ZNF461: variants seen among roughly 807,000 people sequenced by gnomAD.
ZNF461 encodes the protein gonadotropin-inducible ovarian transcription factor-1.
In ZNF461, 16 loss-of-function variants were observed where a neutral mutation model predicts 18.3. The observed-to-expected ratio is 0.88, with a 90% CI of 0.59 to 1.33. The LOEUF is 1.33. ZNF461 is among the 40% of genes most tolerant of loss of function. The probability of loss-of-function intolerance (pLI) is 0.00; values close to 1 mark genes in which losing one functional copy is unlikely to be tolerated. For missense variants in ZNF461, 595 were observed against 669.9 expected (o/e 0.89, Z 1.23); for synonymous variants, 179 against 216.9 (o/e 0.83, Z 1.54).
chr19:36,649,623 G>A (rs1226752007), intron 4 of ZNF461, among the ~76,000 whole-genome samples: 1 of 152,020 alleles, frequency 6.6e-6, no homozygotes. Flanking sequence ...GAGCCACTGC[G>A]CCCGGCCTGA....
intron 2 of ZNF461, among the ~76,000 whole-genome samples, chr19:36,663,537 T>C (rs1866247721): frequency 7.5e-6 from 1 of 132,980 alleles, no homozygotes; most frequent in South Asian, 2.5e-4. Context: ...TTTTTTTTTT[T>C]TAGACAGAGT....
Position 36,640,022 on chromosome 19 carries a change from G to T in ZNF461, c.323C>A (p.Pro108His). The change falls in exon 6 of 6, where the codon CCC (proline) becomes CAC (histidine). Residue 108 changes from proline (P) to histidine (H), a missense_variant. Pro to His is a moderately conservative substitution (Grantham distance 77). Coordinates refer to ENST00000588268, the MANE Select transcript of ZNF461 (RefSeq NM_153257.5). Reference protein sequence around the residue: ...INADLASRDEPQKLSPKRDIY... With the variant: ...INADLASRDEHQKLSPKRDIY... ...ATCCCTTTTTGGAGATAACTTCTGGGGCTCATCTCTGGATGCCAAGTCTGA... is the reference window on the plus strand; with the variant it reads ...ATCCCTTTTTGGAGATAACTTCTGGTGCTCATCTCTGGATGCCAAGTCTGA... 1 of 1,608,046 alleles carries T rather than the reference G, an allele frequency of 6.2e-7. No homozygotes were observed. The highest frequency in any genetic ancestry group is 8.5e-7 in the Non-Finnish European group (1 of 1,176,738).
intron 4 of ZNF461, among the ~76,000 whole-genome samples, chr19:36,650,864 T>A (rs1255537292): frequency 5.7e-5 from 8 of 141,348 alleles, no homozygotes; most frequent in Non-Finnish European, 6.1e-5. Context: ...TCATTCATAT[T>A]AAAAAAAAAA....
chr19:36,651,744 G>A (rs1288763358), intron 4 of ZNF461, among the ~76,000 whole-genome samples: 1 of 152,122 alleles, frequency 6.6e-6, no homozygotes, highest in African/African-American at 2.4e-5. Context: ...ATAGAATAAA[G>A]GTGTTCTCTC....
At chr19:36,660,155 T>TC in intron 2 of ZNF461, among the ~76,000 whole-genome samples, 1 of 150,042 alleles carries the variant, frequency 6.7e-6, no homozygotes, top group East Asian at 1.9e-4. Context: ...AATCTTTTTT[T>TC]TTTTTTTTTT....
chr19:36,664,552 C>T, intron 2 of ZNF461, 146 bp downstream of exon 2: 1 of 567,154 alleles, frequency 1.8e-6, no homozygotes, highest in African/African-American at 1.9e-5. Context: ...CGCACCACTG[C>T]ACTCTAACCT....
rs2037297024 is a variant in ZNF461, at chr19:36,636,634, G to A, written c.*2019C>T. ...AGAGACAGGTTAAGAGTTCATAAAG[G>A]TGGGAGCCAAGGGGCCAGAGCAAAT... On this transcript the variant is annotated 3_prime_UTR_variant, in exon 6 of 6. Transcript: ENST00000588268. Among the ~76,000 whole-genome samples, 1 of 152,160 alleles carries A rather than the reference G, an allele frequency of 6.6e-6. No individual in the cohort carries two copies. Among genetic ancestry groups the A allele is most frequent in the South Asian group, 2.1e-4 (1 of 4,824 alleles).
chr19:36,639,126 G>C lies in ZNF461; in HGVS notation c.1219C>G (p.His407Asp). Residue 407 changes from histidine (H) to aspartate (D), a missense_variant, in exon 6 of 6, where the codon CAT becomes GAT. His to Asp is a moderately conservative substitution (Grantham distance 81). Coordinates refer to ENST00000588268, the MANE Select transcript of ZNF461 (RefSeq NM_153257.5). Reference sequence around the variant, plus strand: ...CATTCATAAGGTTTCTTGCCAGAATGAATTTTCTGATGGTGTGAGAAGCTT... The same window carrying C: ...CATTCATAAGGTTTCTTGCCAGAATCAATTTTCTGATGGTGTGAGAAGCTT... Reference protein sequence around the residue: ...HSSFSHHQKIHSGKKPYECHE... With the variant: ...HSSFSHHQKIDSGKKPYECHE... The C allele has an allele frequency of 6.2e-7, 1 of 1,613,714 alleles. No homozygotes were observed. Among genetic ancestry groups the C allele is most frequent in the South Asian group, 1.1e-5 (1 of 91,054 alleles).
At chr19:36,663,516 ATTTTT>A (rs753269882) in intron 2 of ZNF461, among the ~76,000 whole-genome samples, 1 of 129,862 alleles carries the variant, frequency 7.7e-6, no homozygotes, top group African/African-American at 2.8e-5. Context: ...TTATTATGTA[ATTTTT>A]TTTTTTTTTT....
At chr19:36,656,057 G>T (rs2037711785) in intron 4 of ZNF461, among the ~76,000 whole-genome samples, 1 of 148,420 alleles carries the variant, frequency 6.7e-6, no homozygotes, top group Admixed American at 6.8e-5. Context: ...GAGTGCTGTG[G>T]CGCGATCTCC....
At chr19:36,655,397 G>A (rs10407919) in intron 4 of ZNF461, among the ~76,000 whole-genome samples, 53,166 of 151,992 alleles carry the variant, frequency 0.35, 9,437 homozygotes, top group East Asian at 0.58. Context: ...TAAGGAGGTC[G>A]AGACCAGCCT....
intron 4 of ZNF461, among the ~76,000 whole-genome samples, chr19:36,656,146 C>T (rs924661331): frequency 5.9e-5 from 9 of 151,860 alleles, no homozygotes; most frequent in Admixed American, 3.9e-4. Context: ...TACAGGCGCC[C>T]ACCACTGCGC....
intron 4 of ZNF461, 44 bp from the exon 5 acceptor site, chr19:36,643,906 T>G (rs1167509954): frequency 7.4e-7 from 1 of 1,352,128 alleles, no homozygotes; most frequent in Non-Finnish European, 9.9e-7. Flanking sequence ...TAGAATAATA[T>G]TTTATTATAC....
chr19:36,647,897 G>A (rs2037556731), intron 4 of ZNF461, among the ~76,000 whole-genome samples: 1 of 151,666 alleles, frequency 6.6e-6, no homozygotes, highest in African/African-American at 2.4e-5. Flanking sequence ...TTGAAAGTGT[G>A]TGGGCTGGGT....
At chr19:36,650,021 A>G (rs1195514550) in intron 4 of ZNF461, among the ~76,000 whole-genome samples, 1 of 152,114 alleles carries the variant, frequency 6.6e-6, no homozygotes, top group Non-Finnish European at 1.5e-5. Context: ...CTAAAAATAC[A>G]AAAATTAGCC....
At chr19:36,645,328 G>A (rs943225548) in intron 4 of ZNF461, 1 of 152,064 alleles carries the variant, frequency 6.6e-6, no homozygotes, top group Non-Finnish European at 1.5e-5. Context: ...CTCATGTAAA[G>A]TATTTACAAC....
rs984806665 is a variant in ZNF461, at chr19:36,637,845, G to A, written c.*808C>T. ...ACTGATAGCAGTTGTTGCATCTGTG[G>A]AAAGTGAGTGGCTACAGAACTGGAT... On this transcript the variant is annotated 3_prime_UTR_variant, in exon 6 of 6. Transcript: ENST00000588268. 2 of 436,878 alleles carry A rather than the reference G, an allele frequency of 4.6e-6. No homozygotes were observed. Among genetic ancestry groups the A allele is most frequent in the African/African-American group, 4.1e-5 (2 of 49,256 alleles). The allele number at this position is 436,878 out of a possible 1,614,324, so 27.1% of individuals were successfully genotyped here. A position where few individuals can be genotyped will look rare whatever the true frequency, so the allele number is the denominator to read the frequency against.
At position 36,639,868 on chromosome 19, in the gene ZNF461, C is replaced by T; in HGVS notation, c.477G>A (p.Glu159=). The T allele has an allele frequency of 3.7e-6, 6 of 1,613,846 alleles. No homozygotes were observed. Among genetic ancestry groups the T allele is most frequent in the Non-Finnish European group, 3.4e-6 (4 of 1,179,848 alleles). The change falls in exon 6 of 6, where the codon GAG becomes GAA. Residue 159 remains glutamate, a synonymous_variant. Transcript: ENST00000588268. ...TAATCATAAGTTGTCTAAAATAACC[C>T]TCCTCTTGTCCCTGATGTTGCTCAA... The part of the protein sequence containing the change: ...CHFEQHQGQE[E]GYFRQLMINH...
intron 4 of ZNF461, among the ~76,000 whole-genome samples, chr19:36,655,890 A>G (rs2037707201): frequency 6.6e-6 from 1 of 152,128 alleles, no homozygotes; most frequent in African/African-American, 2.4e-5. Flanking sequence ...TTGCCTGTGG[A>G]TAATCCAATT....
Sources: allele counts gnomAD v4.1 joint callset (sites outside exome capture counted in the v4.1 genomes callset), GRCh38; gene constraint gnomAD v4.1.1; transcripts MANE v1.5; gene names NCBI Gene and HGNC (gene_info 2026-07-23, HGNC 2026-07-21).